SDK1: variants seen among roughly 807,000 people sequenced by gnomAD.
SDK1 encodes protein sidekick-1.
A neutral mutation model predicts 245.5 loss-of-function variants in SDK1; 157 were observed. The ratio of observed to expected loss-of-function variants is 0.64; its 90% confidence interval spans 0.56 to 0.73. The LOEUF (loss-of-function observed/expected upper bound fraction) is 0.73. Ranked by LOEUF, SDK1 falls within the 30% of genes least tolerant of loss-of-function variation. The probability of loss-of-function intolerance (pLI) is 0.00; values close to 1 mark genes in which losing one functional copy is unlikely to be tolerated. For missense variants in SDK1, 3,583 were observed against 3,002.3 expected (o/e 1.19, Z -4.52); for synonymous variants, 1,647 against 1,278.5 (o/e 1.29, Z -6.15).
intron 20 of SDK1, among the ~76,000 whole-genome samples, chr7:4,074,109 A>G (rs1480229594): frequency 2.0e-5 from 3 of 152,086 alleles, no homozygotes; most frequent in African/African-American, 4.8e-5. Flanking sequence ...GGGGGTCTTC[A>G]GGTATTTGAC....
In SDK1 at chr7:3,705,691, C is replaced by T. The variant is rs1452837917; in HGVS notation, c.713+63586C>T. The stretch of plus-strand genomic sequence containing the variant: ...GGGTTTTCTAGTTATGTGACCATGG[C>T]ATTGGCAGACAGCAATAATTTGACT... On this transcript the variant is annotated intron_variant, in intron 4 of 44. Coordinates refer to ENST00000404826, the MANE Select transcript of SDK1 (RefSeq NM_152744.4). Among the ~76,000 whole-genome samples the T allele has an allele frequency of 2.0e-5, 3 of 151,936 alleles. No individual in the cohort carries two copies. The East Asian group carries it at 5.8e-4, about 29-fold the overall frequency.
intron 1 of SDK1, among the ~76,000 whole-genome samples, chr7:3,485,849 C>G (rs966655794): frequency 6.6e-6 from 1 of 151,500 alleles, no homozygotes; most frequent in South Asian, 2.1e-4. Context: ...TCTAAAACAT[C>G]TTAGGTTTTT....
intron 1 of SDK1, among the ~76,000 whole-genome samples, chr7:3,561,814 T>G (rs185882411): frequency 9.6e-4 from 146 of 152,330 alleles, no homozygotes; most frequent in African/African-American, 3.1e-3. Context: ...TGAATCTGGA[T>G]TTAAACAAAA....
intron 5 of SDK1, among the ~76,000 whole-genome samples, chr7:3,941,548 C>T (rs1233117960): frequency 2.0e-5 from 3 of 152,128 alleles, no homozygotes; most frequent in Admixed American, 6.5e-5. Context: ...TCCTGAAATG[C>T]CTTTCCTTCC....
At chr7:3,326,564 C>T (rs965747308) in intron 1 of SDK1, among the ~76,000 whole-genome samples, 10 of 152,238 alleles carry the variant, frequency 6.6e-5, no homozygotes, top group East Asian at 3.9e-4. Flanking sequence ...TCTTGTTTCC[C>T]GCCACAGAGC....
chr7:3,814,949 T>G (rs908757166), intron 4 of SDK1, among the ~76,000 whole-genome samples: 2 of 151,902 alleles, frequency 1.3e-5, no homozygotes, highest in African/African-American at 4.8e-5. Context: ...CTTGTGATTT[T>G]TGTACATCGA....
intron 4 of SDK1, among the ~76,000 whole-genome samples, chr7:3,795,202 A>G (rs1399765329): frequency 6.6e-6 from 1 of 152,026 alleles, no homozygotes; most frequent in East Asian, 1.9e-4. Context: ...ATGTGTTAGG[A>G]CTCAGACATG....
chr7:4,032,766 CTT>C (rs979696130), intron 17 of SDK1, among the ~76,000 whole-genome samples: 3 of 152,126 alleles, frequency 2.0e-5, no homozygotes, highest in Non-Finnish European at 4.4e-5. Flanking sequence ...TGGGGATAAA[CTT>C]AAGAAATAGC....
At chr7:3,526,069 T>C (rs1244520224) in intron 1 of SDK1, among the ~76,000 whole-genome samples, 3 of 152,062 alleles carry the variant, frequency 2.0e-5, no homozygotes, top group African/African-American at 7.2e-5. Context: ...ACCCTGTCTC[T>C]ACTAAAAATA....
intron 17 of SDK1, among the ~76,000 whole-genome samples, chr7:4,023,342 A>T (rs961505464): frequency 7.9e-5 from 12 of 152,150 alleles, no homozygotes; most frequent in African/African-American, 2.9e-4. Flanking sequence ...GGGACATATT[A>T]ACTTACAAAT....
At chr7:4,153,061 A>G (rs533371327) in intron 30 of SDK1, among the ~76,000 whole-genome samples, 115 of 152,162 alleles carry the variant, frequency 7.6e-4, no homozygotes, top group African/African-American at 2.5e-3. Flanking sequence ...GTGCGGGCTC[A>G]GGGGGTGGCT....
intron 22 of SDK1, among the ~76,000 whole-genome samples, chr7:4,091,944 C>A (rs1003605086): frequency 1.3e-5 from 2 of 152,104 alleles, no homozygotes; most frequent in African/African-American, 4.8e-5. Context: ...CATCACATTC[C>A]ATGGATCATC....
In SDK1 at chr7:3,694,585, GA is replaced by G. The variant is rs1348406077; in HGVS notation, c.713+52484del. 2.0e-5 allele frequency among the ~76,000 whole-genome samples: 3 copies of G among 151,336 alleles called. No individual in the cohort carries two copies. In the East Asian group the frequency reaches 5.8e-4, roughly 29 times the overall value. On this transcript the variant is annotated intron_variant, in intron 4 of 44. Transcript: ENST00000404826. ...GAATGTATTTATGTTGGTGGGGGGG[GA>G]AAAGCATATGAAATTGAGACAGTAG... is the stretch of plus-strand genomic sequence containing the variant.
At chr7:3,553,203 G>C (rs1779471449) in intron 1 of SDK1, among the ~76,000 whole-genome samples, 1 of 152,066 alleles carries the variant, frequency 6.6e-6, no homozygotes, top group Admixed American at 6.5e-5. Flanking sequence ...AGCAGGCAGT[G>C]ATCTAAGAGC....
intron 4 of SDK1, among the ~76,000 whole-genome samples, chr7:3,762,303 T>C (rs1442721063): frequency 6.6e-6 from 1 of 152,108 alleles, no homozygotes; most frequent in Non-Finnish European, 1.5e-5. Context: ...ATGGCATTTG[T>C]GGAGAGGACA....
At chr7:3,585,921 T>C (rs1780673157) in intron 1 of SDK1, among the ~76,000 whole-genome samples, 2 of 152,186 alleles carry the variant, frequency 1.3e-5, no homozygotes, top group African/African-American at 4.8e-5. Context: ...CCTCTACCAT[T>C]TCTTTGTTGC....
intron 40 of SDK1, among the ~76,000 whole-genome samples, chr7:4,223,535 G>A (rs1046017204): frequency 1.3e-5 from 2 of 152,194 alleles, no homozygotes; most frequent in African/African-American, 4.8e-5. Flanking sequence ...GCTGACAGGT[G>A]CTTCACCCAT....
chr7:3,644,278 A>G (rs1782750896), intron 4 of SDK1, among the ~76,000 whole-genome samples: 1 of 149,596 alleles, frequency 6.7e-6, no homozygotes, highest in Admixed American at 6.7e-5. Context: ...CATGCAGCAT[A>G]TTTTAAAATT....
At chr7:3,760,830 CA>C (rs1780075321) in intron 4 of SDK1, among the ~76,000 whole-genome samples, 1 of 152,198 alleles carries the variant, frequency 6.6e-6, no homozygotes, top group Non-Finnish European at 1.5e-5. Flanking sequence ...TTTAACTTAG[CA>C]GAAAGCATTT....
Sources: allele counts gnomAD v4.1 joint callset (sites outside exome capture counted in the v4.1 genomes callset), GRCh38; gene constraint gnomAD v4.1.1; transcripts MANE v1.5; gene names NCBI Gene and HGNC (gene_info 2026-07-23, HGNC 2026-07-21).